The following FCHO2 variants were observed in gnomAD, a reference collection of about 807,000 sequenced individuals.
The protein encoded by FCHO2 is FCH and mu domain containing endocytic adaptor 2, also known as F-BAR domain only protein 2.
FCHO2 carries 43 observed loss-of-function variants against 114.1 expected under a neutral mutation model. That is an observed-to-expected ratio of 0.38 (90% CI 0.30 to 0.49). FCHO2 has a LOEUF of 0.49. Ranked by LOEUF, FCHO2 falls within the 20% of genes least tolerant of loss-of-function variation. The pLI is 0.97. For synonymous variants in FCHO2, 293 were observed against 315.2 expected, an observed-to-expected ratio of 0.93 and a Z score of 0.75; for missense variants, 807 against 950.4, an observed-to-expected ratio of 0.85 and a Z score of 1.98.
At chr5:73,085,295 G>T (rs775528051) in intron 24 of FCHO2, among the ~76,000 whole-genome samples, 7 of 152,060 alleles carry the variant, frequency 4.6e-5, no homozygotes, top group Non-Finnish European at 1.0e-4. Context: ...GTTGCAGTGA[G>T]CCAACATCGC....
chr5:73,081,905 T>C lies in FCHO2; in HGVS notation c.2103T>C (p.Ser701=). 6.2e-7 allele frequency: 1 copy of C among 1,612,628 alleles called. No homozygotes were observed. The highest frequency in any genetic ancestry group is 8.5e-7 in the Non-Finnish European group (1 of 1,179,188). The change falls in exon 23 of 26, where the codon AGT becomes AGC. Residue 701 remains serine (S), a synonymous_variant. Transcript: ENST00000430046. ...KYNPEAMVAP[S]VLSNIQVVVP... Reference sequence around the variant, plus strand: ...ATCCAGAAGCTATGGTGGCACCTAGTGTGCTTTCCAACATACAGGTGGTGG... The same window carrying C: ...ATCCAGAAGCTATGGTGGCACCTAGCGTGCTTTCCAACATACAGGTGGTGG...
chr5:73,060,628 T>C (rs1443583596), intron 17 of FCHO2, among the ~76,000 whole-genome samples: 2 of 152,088 alleles, frequency 1.3e-5, no homozygotes, highest in Non-Finnish European at 2.9e-5. Context: ...TTTTAACATT[T>C]TAGCAAGGTC....
rs116076491 is a variant in FCHO2, at chr5:73,059,247, C to T, written c.1345+723C>T. ...CATCCAGTATTTGGGGTTAAGGAAG[C>T]GCTGGAATCATGCGGGAAGAACTTA... On this transcript the variant is annotated intron_variant, in intron 17 of 25. Coordinates refer to ENST00000430046, the MANE Select transcript of FCHO2 (RefSeq NM_138782.3). Among the ~76,000 whole-genome samples the T allele has an allele frequency of 2.8e-3, 420 of 152,238 alleles. 2 individuals carry two copies. Among genetic ancestry groups the T allele is most frequent in the Non-Finnish European group, 4.3e-3 (289 of 67,994 alleles).
intron 24 of FCHO2, among the ~76,000 whole-genome samples, chr5:73,086,046 C>T (rs1414321440): frequency 1.3e-5 from 2 of 151,460 alleles, no homozygotes; most frequent in East Asian, 3.9e-4. Flanking sequence ...CGCTTGAACC[C>T]AGGAGGCGGA....
In FCHO2 at chr5:73,077,417, C is replaced by T; in HGVS notation, c.1771C>T (p.Pro591Ser). The T allele has an allele frequency of 1.9e-6, 3 of 1,597,196 alleles. No homozygotes were observed. The highest frequency in any genetic ancestry group is 2.6e-6 in the Non-Finnish European group (3 of 1,171,268). Reference sequence around the variant, plus strand: ...TAAAGTCTTCACCAGCAATCCAACTCCAGCTGTGTTGTGCTTCAGGGTGAA... The same window carrying T: ...TAAAGTCTTCACCAGCAATCCAACTTCAGCTGTGTTGTGCTTCAGGGTGAA... ...IIKVFTSNPTPAVLCFRVKNI... is the reference protein window; with the variant it reads ...IIKVFTSNPTSAVLCFRVKNI... Residue 591 changes from proline to serine, a missense_variant, in exon 21 of 26, where the codon CCA (proline) becomes TCA (serine). Pro to Ser is a moderately conservative substitution (Grantham distance 74, BLOSUM62 -1). Coordinates refer to ENST00000430046, the MANE Select transcript of FCHO2 (RefSeq NM_138782.3).
Position 73,082,435 on chromosome 5 carries a change from C to T in FCHO2, c.2181-326C>T, listed in dbSNP as rs141137063. Among the ~76,000 whole-genome samples the T allele has an allele frequency of 1.2e-4, 19 of 152,200 alleles. 1 individual carries two copies. In the East Asian group the frequency reaches 3.1e-3, roughly 25 times the overall value. On this transcript the variant is annotated intron_variant, in intron 23 of 25. Coordinates refer to ENST00000430046, the MANE Select transcript of FCHO2 (RefSeq NM_138782.3). ...TTAGTATTAGTATAGACTCTAACCGCTCTTTATAGTTACTTCATCATTTAA... is the reference window on the plus strand; with the variant it reads ...TTAGTATTAGTATAGACTCTAACCGTTCTTTATAGTTACTTCATCATTTAA...
At chr5:72,958,331 C>A (rs547895670) in intron 1 of FCHO2, among the ~76,000 whole-genome samples, 1 of 151,944 alleles carries the variant, frequency 6.6e-6, no homozygotes, top group South Asian at 2.1e-4. Context: ...CTGTTTAGTT[C>A]TATGATCCAT....
intron 2 of FCHO2, among the ~76,000 whole-genome samples, chr5:72,987,502 T>C (rs1051531033): frequency 1.3e-5 from 2 of 152,034 alleles, no homozygotes; most frequent in Non-Finnish European, 2.9e-5. Context: ...CATGCTCAGC[T>C]AATTTTTGTA....
At chr5:73,024,440 T>A (rs915644105) in intron 8 of FCHO2, among the ~76,000 whole-genome samples, 3 of 151,538 alleles carry the variant, frequency 2.0e-5, no homozygotes, top group Admixed American at 2.0e-4. Context: ...TTTTTTTTTT[T>A]ATGTTTTATT....
chr5:73,010,901 AAG>A (rs1210856090), intron 6 of FCHO2, among the ~76,000 whole-genome samples: 1 of 150,600 alleles, frequency 6.6e-6, no homozygotes, highest in African/African-American at 2.4e-5. Flanking sequence ...AAAAAAAAAA[AAG>A]AGAGAATGTA....
chr5:73,010,213 C>A (rs1185073008), intron 6 of FCHO2, among the ~76,000 whole-genome samples: 2 of 152,176 alleles, frequency 1.3e-5, no homozygotes, highest in East Asian at 3.9e-4. Context: ...GGGAGAAGAT[C>A]ATTGAGTCTC....
At chr5:72,973,185 C>A (rs867772644) in intron 2 of FCHO2, among the ~76,000 whole-genome samples, 3 of 152,144 alleles carry the variant, frequency 2.0e-5, no homozygotes, top group African/African-American at 4.8e-5. Flanking sequence ...TGTCTCTGCC[C>A]AGCTTTGGTA....
At chr5:72,956,220 GGCC>G in intron 1 of FCHO2, 91 bp downstream of exon 1, 1 of 1,482,146 alleles carries the variant, frequency 6.7e-7, no homozygotes, top group Non-Finnish European at 9.1e-7. Flanking sequence ...CGGCGGCGGC[GGCC>G]CCTCCGGCAG....
intron 5 of FCHO2, among the ~76,000 whole-genome samples, chr5:72,995,667 C>T (rs931330408): frequency 2.0e-5 from 3 of 151,946 alleles, no homozygotes; most frequent in African/African-American, 7.3e-5. Flanking sequence ...GGGAGTCTGC[C>T]GAATTCTCAG....
Position 73,001,055 on chromosome 5 carries a change from T to G in FCHO2, c.496-5390T>G, listed in dbSNP as rs984030661. Among the ~76,000 whole-genome samples, 7 of 152,270 alleles carry G rather than the reference T, an allele frequency of 4.6e-5. No homozygotes were observed. The South Asian group carries it at 1.4e-3, about 32-fold the overall frequency. On this transcript the variant is annotated intron_variant, in intron 5 of 25. Coordinates refer to ENST00000430046, the MANE Select transcript of FCHO2 (RefSeq NM_138782.3). ...AAGTTGTTTTGACTTAATAATTTAG[T>G]ATTGTGTAGCTGTTTCTTATGAAAG... is the stretch of plus-strand genomic sequence containing the variant.
intron 8 of FCHO2, among the ~76,000 whole-genome samples, chr5:73,029,907 G>A (rs753124722): frequency 3.9e-5 from 6 of 152,142 alleles, no homozygotes; most frequent in Admixed American, 1.3e-4. Flanking sequence ...CGTGGGAATC[G>A]CATTTCCACA....
chr5:73,051,129 T>G (rs2112834006), intron 11 of FCHO2: 1 of 394,352 alleles, frequency 2.5e-6, no homozygotes, highest in African/African-American at 2.1e-5. Flanking sequence ...CTGTTTCATT[T>G]TGCAGGTCTT....
chr5:72,956,788 T>A (rs1200254632), intron 1 of FCHO2, among the ~76,000 whole-genome samples: 1 of 152,166 alleles, frequency 6.6e-6, no homozygotes, highest in Non-Finnish European at 1.5e-5. Flanking sequence ...CCCCCTACTC[T>A]GTGCTCCTTC....
chr5:72,997,072 T>C, intron 5 of FCHO2: 1 of 1,268,162 alleles, frequency 7.9e-7, no homozygotes, highest in Non-Finnish European at 1.1e-6. Flanking sequence ...CTTCTTGTCC[T>C]GGAATCAGCT....
Sources: allele counts gnomAD v4.1 joint callset (sites outside exome capture counted in the v4.1 genomes callset), GRCh38; gene constraint gnomAD v4.1.1; transcripts MANE v1.5; gene names NCBI Gene and HGNC (gene_info 2026-07-23, HGNC 2026-07-21).